The following MBNL3 variants were observed in gnomAD, a reference collection of about 807,000 sequenced individuals.
The protein encoded by MBNL3 is muscleblind-like protein 3.
Under a neutral mutation model 24.5 loss-of-function variants are expected in MBNL3, and 6 were observed. That is an observed-to-expected ratio of 0.25 (90% CI 0.13 to 0.48). The LOEUF is 0.48. Ranked by LOEUF, MBNL3 falls within the 20% of genes least tolerant of loss-of-function variation. The pLI is 0.99. For missense variants in MBNL3, 230 were observed against 293.5 expected (o/e 0.78, Z 1.58); for synonymous variants, 100 against 101.7 (o/e 0.98, Z 0.10).
Position 132,426,917 on chromosome X carries a change from A to G in MBNL3, c.177+12518T>C, listed in dbSNP as rs1337207818. Among the ~76,000 whole-genome samples the G allele has an allele frequency of 2.7e-5, 3 of 112,250 alleles. No individual in the cohort carries two copies. The Admixed American group carries it at 2.8e-4, about 11-fold the overall frequency. On this transcript the variant is annotated intron_variant, in intron 2 of 8. Coordinates refer to ENST00000370853, the MANE Select transcript of MBNL3 (RefSeq NM_001386889.1). The stretch of plus-strand genomic sequence containing the variant: ...TTTCTTTGGGGAATTGAATGTACAT[A>G]CAATTCTTAATGGATTTAACAGGAC...
At chrX:132,434,479 A>G (rs1442412611) in intron 2 of MBNL3, among the ~76,000 whole-genome samples, 1 of 112,493 alleles carries the variant, frequency 8.9e-6, no homozygotes, top group Non-Finnish European at 1.9e-5. Flanking sequence ...TTTACAAAAG[A>G]AAAACTGGTC....
At chrX:132,401,181 G>A (rs779689827) in intron 3 of MBNL3, among the ~76,000 whole-genome samples, 2 of 111,890 alleles carry the variant, frequency 1.8e-5, no homozygotes, top group South Asian at 7.4e-4. Flanking sequence ...TAATAAAAGA[G>A]CCATGACAAA....
chrX:132,406,344 A>C lies in MBNL3; in HGVS notation c.226T>G (p.Leu76Val). Reference sequence around the variant, plus strand: ...CCATTAATCTCCAGCTGCGTTTTTAAGTGTGGAGGAGGGTGAAGGTACTTG... The same window carrying C: ...CCATTAATCTCCAGCTGCGTTTTTACGTGTGGAGGAGGGTGAAGGTACTTG... The part of the protein sequence containing the change: ...NCKYLHPPPH[L>V]KTQLEINGRN... The change falls in exon 3 of 9, where the codon TTA becomes GTA. Residue 76 changes from leucine (L) to valine (V), a missense_variant. Physicochemically the swap from Leu to Val is conservative, Grantham distance 32. Coordinates refer to ENST00000370853, the MANE Select transcript of MBNL3 (RefSeq NM_001386889.1). 8.3e-7 allele frequency: 1 copy of C among 1,210,111 alleles called. No homozygotes were observed. The highest frequency in any genetic ancestry group is 1.1e-6 in the Non-Finnish European group (1 of 894,320).
intron 3 of MBNL3, among the ~76,000 whole-genome samples, chrX:132,404,391 C>G (rs1297011543): frequency 2.7e-5 from 3 of 111,892 alleles, no homozygotes; most frequent in Admixed American, 1.9e-4. Context: ...CTTCCCTCTG[C>G]CCTTAGAAGT....
intron 1 of MBNL3, among the ~76,000 whole-genome samples, chrX:132,455,814 T>C (rs910518313): frequency 8.9e-6 from 1 of 112,190 alleles, no homozygotes; most frequent in Non-Finnish European, 1.9e-5. Context: ...TTTAAATCCC[T>C]GGAGAAAGGC....
intron 2 of MBNL3, among the ~76,000 whole-genome samples, chrX:132,416,545 T>G (rs1164180960): frequency 9.0e-6 from 1 of 111,412 alleles, no homozygotes; most frequent in Non-Finnish European, 1.9e-5. Flanking sequence ...CTATAGTTAA[T>G]AACAATTTAT....
At chrX:132,408,815 C>G (rs1301085128) in intron 2 of MBNL3, among the ~76,000 whole-genome samples, 1 of 111,983 alleles carries the variant, frequency 8.9e-6, no homozygotes, top group African/African-American at 3.2e-5. Flanking sequence ...GAATATGAGG[C>G]AGCATGAGAC....
At chrX:132,445,018 T>C (rs186921281) in intron 1 of MBNL3, among the ~76,000 whole-genome samples, 23 of 111,821 alleles carry the variant, frequency 2.1e-4, no homozygotes, top group African/African-American at 7.1e-4. Context: ...AACCAGCACA[T>C]AACAAGAACA....
chrX:132,411,156 T>C (rs1411978432), intron 2 of MBNL3: 1 of 752,040 alleles, frequency 1.3e-6, no homozygotes, highest in African/African-American at 2.3e-5. Flanking sequence ...GCCAGCCAAG[T>C]ACCCCCCACC....
At chrX:132,455,491 T>C (rs1946326581) in intron 1 of MBNL3, among the ~76,000 whole-genome samples, 2 of 111,894 alleles carry the variant, frequency 1.8e-5, no homozygotes, top group Admixed American at 1.9e-4. Context: ...AATAGAGTTA[T>C]CAAAGCCAGT....
intron 1 of MBNL3, among the ~76,000 whole-genome samples, chrX:132,480,884 C>T (rs1213245904): frequency 9.0e-6 from 1 of 111,713 alleles, no homozygotes; most frequent in Non-Finnish European, 1.9e-5. Flanking sequence ...CACAAAGCTG[C>T]ACGTGTGGTG....
chrX:132,461,684 T>G lies in MBNL3; in HGVS notation c.-703-21370A>C, dbSNP rs1006875058. ...TGCCCTCTTAGAATGCACTCTCTTA[T>G]CCAATGGCAGTATTTCTTGTAGATC... On this transcript the variant is annotated intron_variant, in intron 1 of 8. Coordinates refer to ENST00000370853, the MANE Select transcript of MBNL3 (RefSeq NM_001386889.1). Among the ~76,000 whole-genome samples, 5 of 111,515 alleles carry G rather than the reference T, an allele frequency of 4.5e-5. 1 individual carries two copies. Among genetic ancestry groups the G allele is most frequent in the Admixed American group, 9.6e-5 (1 of 10,458 alleles).
chrX:132,438,876 G>A (rs553655725), intron 2 of MBNL3, among the ~76,000 whole-genome samples: 2 of 107,791 alleles, frequency 1.9e-5, no homozygotes, highest in African/African-American at 3.4e-5. Context: ...GTAGCAATAC[G>A]TTTAAGTTAA....
rs532442162 is a variant in MBNL3 at position 132,461,083 on chromosome X, A to G, written c.-703-20769T>C. Among the ~76,000 whole-genome samples, 10 of 112,160 alleles carry G rather than the reference A, an allele frequency of 8.9e-5. No homozygotes were observed. In the South Asian group the frequency reaches 3.7e-3, roughly 42 times the overall value. ...GCAATGACTCAATTTTTAAAAAATG[A>G]TTTGTTATGTATTTGCTCTGAAGCC... On this transcript the variant is annotated intron_variant, in intron 1 of 8. Transcript: ENST00000370853.
intron 1 of MBNL3, among the ~76,000 whole-genome samples, chrX:132,446,787 C>T (rs369818126): frequency 1.5e-3 from 166 of 111,851 alleles, no homozygotes; most frequent in Middle Eastern, 4.6e-3. Flanking sequence ...TTTTGGCTTT[C>T]GTCACCATTG....
rs1012769153 is a variant in MBNL3, at chrX:132,373,001, T to C, written c.*6665A>G. 1 of 110,686 alleles carries C rather than the reference T, an allele frequency of 9.0e-6. No individual in the cohort carries two copies. The highest frequency in any genetic ancestry group is 1.9e-5 in the Non-Finnish European group (1 of 52,778). 9.1% of individuals were successfully genotyped at this position (110,686 alleles called of 1,213,427 possible). On this transcript the variant is annotated 3_prime_UTR_variant, in exon 9 of 9. Coordinates refer to ENST00000370853, the MANE Select transcript of MBNL3 (RefSeq NM_001386889.1). The stretch of plus-strand genomic sequence containing the variant: ...AACTGCACAAATTAGTCAAACTAAA[T>C]ATTTTCTTGAGGTTAGTAATAGAGG...
chrX:132,473,151 G>A (rs1048187977), intron 1 of MBNL3, among the ~76,000 whole-genome samples: 2 of 111,889 alleles, frequency 1.8e-5, no homozygotes, highest in African/African-American at 3.2e-5. Context: ...GTTGCAAATC[G>A]TTGATCATGG....
intron 2 of MBNL3, among the ~76,000 whole-genome samples, chrX:132,424,042 A>G (rs112018795): frequency 0.12 from 13,776 of 111,454 alleles, 698 homozygotes; most frequent in Non-Finnish European, 0.15. Flanking sequence ...ATATAATGGG[A>G]AAGGTGGAAC....
At chrX:132,387,987 G>C (rs761395753) in intron 5 of MBNL3, among the ~76,000 whole-genome samples, 1 of 110,417 alleles carries the variant, frequency 9.1e-6, no homozygotes, top group African/African-American at 3.3e-5. Context: ...TCAGCAAATT[G>C]CACGTTACTT....
Sources: gnomAD v4.1 joint callset for allele counts (sites outside exome capture counted in the v4.1 genomes callset) on GRCh38, gnomAD v4.1.1 for gene constraint, MANE v1.5 for transcripts, NCBI Gene and HGNC (gene_info 2026-07-23, HGNC 2026-07-21) for gene names.